The following GIPC1 variants were observed in gnomAD, a reference collection of about 807,000 sequenced individuals.
GIPC1 encodes the protein PDZ domain-containing protein GIPC1.
GIPC1 carries 15 observed loss-of-function variants against 28.5 expected under a neutral mutation model. The ratio of observed to expected loss-of-function variants is 0.53; its 90% CI spans 0.35 to 0.81. The LOEUF (loss-of-function observed/expected upper bound fraction) is 0.81. Ranked by LOEUF, GIPC1 falls within the 30% of genes least tolerant of loss-of-function variation. The probability of loss-of-function intolerance (pLI) is 0.01; values close to 1 mark genes in which losing one functional copy is unlikely to be tolerated. For missense variants in GIPC1, 439 were observed against 481.9 expected (o/e 0.91, Z 0.83); for synonymous variants, 224 against 206.1 (o/e 1.09, Z -0.74).
chr19:14,478,717 C>T lies in GIPC1; in HGVS notation c.817G>A (p.Glu273Lys), dbSNP rs776093369. The change falls in exon 8 of 9, where the codon GAG becomes AAG. Residue 273 changes from glutamate (E) to lysine (K), a missense_variant. Physicochemically the swap from Glu to Lys is moderately conservative, Grantham distance 56. Coordinates refer to ENST00000393033, the MANE Select transcript of GIPC1 (RefSeq NM_005716.4). This position sits in a 1 kb window ranked among gnomAD's most constrained non-coding sequence, Gnocchi z 5.2. ...KAIEKVDDLL[E>K]SYMGIRDTEL... ...GTGTCCCTGATACCCATGTAACTCT[C>T]CAGCAGGTCATCCACCTTCTCAATG... is the stretch of plus-strand genomic sequence containing the variant. 1 of 1,614,040 alleles carries T rather than the reference C, an allele frequency of 6.2e-7. No individual in the cohort carries two copies. Among genetic ancestry groups the T allele is most frequent in the Non-Finnish European group, 8.5e-7 (1 of 1,179,968 alleles).
At chr19:14,482,319 G>C in intron 4 of GIPC1, 2 of 324,370 alleles carry the variant, frequency 6.2e-6, no homozygotes, top group Non-Finnish European at 1.2e-5. Flanking sequence ...TGCCTGTTGG[G>C]AACTCAGCAT....
chr19:14,489,575 G>A (rs777885533), intron 3 of GIPC1: 14 of 1,061,504 alleles, frequency 1.3e-5, no homozygotes, highest in East Asian at 4.7e-5. Context: ...GTGGAAATAC[G>A]AGGAAATAGT....
intron 1 of GIPC1, among the ~76,000 whole-genome samples, chr19:14,495,436 C>T (rs1001850471): frequency 4.6e-5 from 7 of 152,100 alleles, no homozygotes; most frequent in Admixed American, 3.9e-4. Context: ...GTTCCAGTCC[C>T]AGATGTGCCA....
At chr19:14,491,936 C>T (rs1306018323) in intron 2 of GIPC1, among the ~76,000 whole-genome samples, 193 bp from the exon 3 acceptor site, 1 of 152,008 alleles carries the variant, frequency 6.6e-6, no homozygotes, top group Non-Finnish European at 1.5e-5. Flanking sequence ...GGCGTGGTGG[C>T]GGGCGCCTGC....
intron 1 of GIPC1, among the ~76,000 whole-genome samples, chr19:14,493,884 C>G (rs1232929190): frequency 6.6e-6 from 1 of 151,802 alleles, no homozygotes; most frequent in African/African-American, 2.4e-5. Context: ...TGGTCTTGAA[C>G]TCCTGACCTC....
intron 1 of GIPC1, among the ~76,000 whole-genome samples, chr19:14,494,713 A>G (rs1383113403): frequency 6.6e-6 from 1 of 152,088 alleles, no homozygotes. Context: ...TGTGCTCCCC[A>G]TCCTTGAAAC....
chr19:14,481,110 C>T (rs1282677179), intron 4 of GIPC1, among the ~76,000 whole-genome samples: 1 of 152,116 alleles, frequency 6.6e-6, no homozygotes, highest in East Asian at 1.9e-4. Flanking sequence ...GCTGGAACTA[C>T]AGGTGCTCGC....
chr19:14,494,336 C>A (rs896618232), intron 1 of GIPC1, among the ~76,000 whole-genome samples: 2 of 152,128 alleles, frequency 1.3e-5, no homozygotes, highest in African/African-American at 4.8e-5. Flanking sequence ...AAGCAACCCA[C>A]CCGCCTCGGC....
At chr19:14,486,305 C>T (rs2071842393) in intron 3 of GIPC1, among the ~76,000 whole-genome samples, 1 of 152,248 alleles carries the variant, frequency 6.6e-6, no homozygotes, top group Admixed American at 6.5e-5. Flanking sequence ...CTCTCAGCCA[C>T]AGTCACTAAC....
At chr19:14,490,974 C>CAAAAAA (rs111731833) in intron 3 of GIPC1, among the ~76,000 whole-genome samples, 1 of 113,066 alleles carries the variant, frequency 8.8e-6, no homozygotes, top group Non-Finnish European at 1.7e-5. Flanking sequence ...GACTCCATCT[C>CAAAAAA]AAAAAAAAAA....
intron 3 of GIPC1, among the ~76,000 whole-genome samples, chr19:14,485,189 A>G (rs1462794548): frequency 6.6e-6 from 1 of 151,302 alleles, no homozygotes; most frequent in Non-Finnish European, 1.5e-5. Context: ...AAATAAATAA[A>G]AGAGTCAGGG....
intron 4 of GIPC1, 82 bp from the exon 5 acceptor site, chr19:14,480,860 TG>T: frequency 2.0e-6 from 2 of 1,025,582 alleles, no homozygotes; most frequent in South Asian, 1.5e-5. Context: ...GGGAGAGAGC[TG>T]GGAGAGGACT....
rs61748695 is a variant in GIPC1 at position 14,478,424 on chromosome 19, G to A, written c.994C>T (p.Arg332Cys). The A allele has an allele frequency of 6.2e-6, 10 of 1,608,130 alleles. No homozygotes were observed. Among genetic ancestry groups the A allele is most frequent in the African/African-American group, 2.7e-5 (2 of 74,916 alleles). ...AGGGTCCGGGGGCAGTCCTAGTAGC[G>A]GCCGACCTTGGCGTCCCCAATGGCG... ...WGAIGDAKVG[R>C]Y The change falls in exon 9 of 9, where the codon CGC (arginine) becomes TGC (cysteine). Residue 332 changes from arginine to cysteine, a missense_variant. Transcript: ENST00000393033. This position sits in a 1 kb window ranked among gnomAD's most constrained non-coding sequence, Gnocchi z 5.2.
At chr19:14,492,214 T>C (rs2071989043) in intron 2 of GIPC1, among the ~76,000 whole-genome samples, 1 of 152,214 alleles carries the variant, frequency 6.6e-6, no homozygotes, top group African/African-American at 2.4e-5. Flanking sequence ...TCTTAACCTC[T>C]CTGAGCTCCA....
intron 3 of GIPC1, among the ~76,000 whole-genome samples, chr19:14,485,702 T>TATATATAGAGAGAGAGAGAG (rs1300117748): frequency 1.2e-4 from 7 of 58,782 alleles, no homozygotes; most frequent in Admixed American, 2.2e-4. Context: ...TATATATATA[T>TATATATAGAGAGAGAGAGAG]AGAGAGAGAG....
rs1340418829 is a variant in GIPC1, at chr19:14,478,326, G to C, written c.*90C>G. The stretch of plus-strand genomic sequence containing the variant: ...CCTTGGGCTGCTGAGCTAGGCTCAG[G>C]CTGGAGGCTCGGGTCCTGACGTCAG... On this transcript the variant is annotated 3_prime_UTR_variant, in exon 9 of 9. Coordinates refer to ENST00000393033, the MANE Select transcript of GIPC1 (RefSeq NM_005716.4). The surrounding 1 kb of genome is among the most constrained non-coding windows in gnomAD (Gnocchi z 5.2). The C allele has an allele frequency of 3.7e-6, 5 of 1,344,510 alleles. No individual in the cohort carries two copies. The highest frequency in any genetic ancestry group is 2.5e-5 in the East Asian group (1 of 39,880). 83.3% of individuals were successfully genotyped at this position (1,344,510 alleles called of 1,614,324 possible).
rs531090117 is a variant in GIPC1 at position 14,493,834 on chromosome 19, T to A, written c.-174-922A>T. Among the ~76,000 whole-genome samples, 11 of 149,888 alleles carry A rather than the reference T, an allele frequency of 7.3e-5. No individual in the cohort carries two copies. In the South Asian group the frequency reaches 1.5e-3, roughly 20 times the overall value. On this transcript the variant is annotated intron_variant, in intron 1 of 8. Transcript: ENST00000393033. The stretch of plus-strand genomic sequence containing the variant: ...GTGCCACCACGCCCAGCTTATTTTA[T>A]ATTTTTAGTAGAGACAGGGTTTCTC...
intron 6 of GIPC1, 196 bp downstream of exon 6, chr19:14,480,109 C>T: frequency 3.3e-6 from 2 of 601,898 alleles, no homozygotes; most frequent in Non-Finnish European, 5.9e-6. Context: ...TCCTCCTCGC[C>T]CCCGCCCTTC....
In GIPC1 at chr19:14,478,656, C is replaced by T. The variant is rs199973824; in HGVS notation, c.850+28G>A. On this transcript the variant is annotated intron_variant, in intron 8 of 8. Transcript: ENST00000393033. This position sits in a 1 kb window ranked among gnomAD's most constrained non-coding sequence, Gnocchi z 5.2. Reference sequence around the variant, plus strand: ...ATTCGGCCCCCAGCAGACCTAGATGCCCCCTCCCCCAGGCAGCCCTCACTC... The same window carrying T: ...ATTCGGCCCCCAGCAGACCTAGATGTCCCCTCCCCCAGGCAGCCCTCACTC... 3.4e-5 allele frequency: 54 copies of T among 1,610,488 alleles called. No individual in the cohort carries two copies. Among genetic ancestry groups the T allele is most frequent in the Non-Finnish European group, 3.3e-5 (39 of 1,176,828 alleles).
Sources: gnomAD v4.1 joint callset for allele counts (sites outside exome capture counted in the v4.1 genomes callset) on GRCh38, gnomAD v4.1.1 for gene constraint, Gnocchi (gnomAD v3.1) non-coding constraint, MANE v1.5 for transcripts, NCBI Gene and HGNC (gene_info 2026-07-23, HGNC 2026-07-21) for gene names.